Variants in EHBP1 observed in about 807,000 individuals in gnomAD.
EHBP1 encodes EH domain binding protein 1.
A neutral mutation model predicts 144.0 loss-of-function variants in EHBP1; 55 were observed. The ratio of observed to expected loss-of-function variants is 0.38; its 90% CI spans 0.31 to 0.48. The LOEUF is 0.48. Ranked by LOEUF, EHBP1 falls within the 20% of genes least tolerant of loss-of-function variation. EHBP1 has a pLI of 0.98. For missense variants in EHBP1, 1,200 were observed against 1,364.2 expected (o/e 0.88, Z 1.90); for synonymous variants, 469 against 472.7 (o/e 0.99, Z 0.10).
chr2:62,880,872 AT>A (rs1189669962), intron 10 of EHBP1, among the ~76,000 whole-genome samples: 1 of 152,156 alleles, frequency 6.6e-6, no homozygotes, highest in Non-Finnish European at 1.5e-5. Flanking sequence ...TTTAAAACAG[AT>A]CTACCATTGC....
At chr2:62,869,200 T>C (rs2050270916) in intron 9 of EHBP1, among the ~76,000 whole-genome samples, 1 of 152,112 alleles carries the variant, frequency 6.6e-6, no homozygotes, top group African/African-American at 2.4e-5. Flanking sequence ...ACTCTCAGAG[T>C]ACTTCTGAAT....
chr2:62,763,479 G>T (rs976218721), intron 3 of EHBP1, among the ~76,000 whole-genome samples: 2 of 152,134 alleles, frequency 1.3e-5, no homozygotes, highest in Non-Finnish European at 2.9e-5. Flanking sequence ...TTAAGACATG[G>T]ACCGGCACAT....
At chr2:62,852,383 C>T (rs962725139) in intron 7 of EHBP1, among the ~76,000 whole-genome samples, 1 of 151,912 alleles carries the variant, frequency 6.6e-6, no homozygotes, top group Admixed American at 6.6e-5. Context: ...CAAAGCCTTT[C>T]CTACTGCTTC....
Position 63,045,742 on chromosome 2 carries a change from A to G in EHBP1, c.*242A>G. 1 of 466,790 alleles carries G rather than the reference A, an allele frequency of 2.1e-6. No homozygotes were observed. Among genetic ancestry groups the G allele is most frequent in the Non-Finnish European group, 3.9e-6 (1 of 256,074 alleles). 28.9% of individuals were successfully genotyped at this position (466,790 alleles called of 1,614,324 possible). A position where few individuals can be genotyped will look rare whatever the true frequency, so the allele number is the denominator to read the frequency against. On this transcript the variant is annotated 3_prime_UTR_variant, in exon 23 of 23. Transcript: ENST00000431489. This position sits in a 1 kb window ranked among gnomAD's most constrained non-coding sequence, Gnocchi z 5.7. Reference sequence around the variant, plus strand: ...AACAATTTCCTTGAAATCCTGTGAAATAGATTTGCACAGACACCTTGTGAG... The same window carrying G: ...AACAATTTCCTTGAAATCCTGTGAAGTAGATTTGCACAGACACCTTGTGAG...
At chr2:62,856,812 A>G (rs1573740398) in intron 7 of EHBP1, among the ~76,000 whole-genome samples, 2 of 152,244 alleles carry the variant, frequency 1.3e-5, no homozygotes, top group African/African-American at 2.4e-5. Context: ...CAAACCTTCA[A>G]TTCATAAGGT....
chr2:62,823,571 G>T (rs1021166281), intron 5 of EHBP1, among the ~76,000 whole-genome samples: 1 of 151,990 alleles, frequency 6.6e-6, no homozygotes, highest in Admixed American at 6.6e-5. Flanking sequence ...TTATAGAACC[G>T]ATTATAGCAA....
Position 62,826,113 on chromosome 2 carries a change from T to C in EHBP1, c.339T>C (p.Ala113=), listed in dbSNP as rs543514692. The C allele has an allele frequency of 1.3e-5, 19 of 1,512,154 alleles. No homozygotes were observed. The East Asian group carries it at 4.5e-4, about 36-fold the overall frequency. The allele number at this position is 1,512,154 out of a possible 1,614,324, so 93.7% of individuals were successfully genotyped here. ...ENESPSGRRK[A]LATSSINMKQ... ...AATCCCCTTCTGGTCGAAGGAAAGC[T>C]CTTGCTACTAGCAGCATCAATATGA... Residue 113 remains alanine (A), a synonymous_variant, in exon 6 of 23, where the codon GCT becomes GCC. Coordinates refer to ENST00000431489, the MANE Select transcript of EHBP1 (RefSeq NM_001142616.3).
At chr2:62,773,521 A>G (rs1255641970) in intron 5 of EHBP1, among the ~76,000 whole-genome samples, 2 of 152,072 alleles carry the variant, frequency 1.3e-5, no homozygotes, top group Non-Finnish European at 1.5e-5. Context: ...GAGTGAATGA[A>G]TGGTATAGTT....
intron 2 of EHBP1, among the ~76,000 whole-genome samples, chr2:62,720,394 T>G (rs2036113957): frequency 6.6e-6 from 1 of 152,188 alleles, no homozygotes. Context: ...GTTTTACTAG[T>G]CTTCTTCCAA....
At position 62,904,539 on chromosome 2, in the gene EHBP1, C is replaced by A. The variant is rs141541561; in HGVS notation, c.1185+30007C>A. On this transcript the variant is annotated intron_variant, in intron 10 of 22. Coordinates refer to ENST00000431489, the MANE Select transcript of EHBP1 (RefSeq NM_001142616.3). ...CTTGAGCCCATGTGCTTCACCCCCCCGGCCCATGGGCTGCCCGATGGTGGC... is the reference window on the plus strand; with the variant it reads ...CTTGAGCCCATGTGCTTCACCCCCCAGGCCCATGGGCTGCCCGATGGTGGC... Among the ~76,000 whole-genome samples the A allele has an allele frequency of 3.6e-3, 552 of 152,314 alleles. 6 individuals are homozygous for A. Among genetic ancestry groups the A allele is most frequent in the African/African-American group, 0.012 (503 of 41,582 alleles).
At chr2:63,013,541 A>G (rs967725150) in intron 19 of EHBP1, among the ~76,000 whole-genome samples, 2 of 152,114 alleles carry the variant, frequency 1.3e-5, no homozygotes, top group African/African-American at 4.8e-5. Context: ...CAAAGGCACA[A>G]TGAAATAGAA....
intron 10 of EHBP1, among the ~76,000 whole-genome samples, chr2:62,910,228 A>G (rs2054109970): frequency 6.6e-6 from 1 of 152,186 alleles, no homozygotes; most frequent in South Asian, 2.1e-4. Context: ...GTTAGTGAAT[A>G]ATATGTTATC....
At chr2:62,872,465 T>G (rs1326974866) in intron 9 of EHBP1, among the ~76,000 whole-genome samples, 1 of 152,130 alleles carries the variant, frequency 6.6e-6, no homozygotes, top group Non-Finnish European at 1.5e-5. Flanking sequence ...TTACATTTAT[T>G]TATATTTAAA....
At chr2:62,923,007 G>A (rs992375348) in intron 10 of EHBP1, among the ~76,000 whole-genome samples, 2 of 152,138 alleles carry the variant, frequency 1.3e-5, no homozygotes, top group Admixed American at 6.5e-5. Flanking sequence ...AGAGCATAAG[G>A]TGTGCACTCC....
intron 10 of EHBP1, among the ~76,000 whole-genome samples, chr2:62,881,418 GAA>G (rs371288881): frequency 7.2e-5 from 5 of 69,772 alleles, no homozygotes; most frequent in Admixed American, 1.9e-4. Flanking sequence ...AGGAAAAACG[GAA>G]AAAAAAAAAA....
intron 10 of EHBP1, among the ~76,000 whole-genome samples, chr2:62,883,702 G>A (rs2051671158): frequency 1.3e-5 from 2 of 152,212 alleles, no homozygotes; most frequent in African/African-American, 4.8e-5. Flanking sequence ...AGTGGCTGAT[G>A]CCTGTCATAC....
At chr2:62,758,848 T>C (rs565772282) in intron 3 of EHBP1, among the ~76,000 whole-genome samples, 3 of 152,364 alleles carry the variant, frequency 2.0e-5, no homozygotes, top group South Asian at 4.1e-4. Flanking sequence ...ATGACAGTTA[T>C]GTTGACAACT....
At chr2:62,794,394 GATAGA>G (rs906791105) in intron 5 of EHBP1, among the ~76,000 whole-genome samples, 1 of 152,002 alleles carries the variant, frequency 6.6e-6, no homozygotes, top group Non-Finnish European at 1.5e-5. Context: ...ATTATGAAAA[GATAGA>G]ATAGACAGCA....
chr2:62,862,334 C>A (rs2049631842), intron 8 of EHBP1, among the ~76,000 whole-genome samples: 1 of 152,206 alleles, frequency 6.6e-6, no homozygotes, highest in Non-Finnish European at 1.5e-5. Flanking sequence ...ATTGGCCGGG[C>A]ATGGTGGCTC....
Sources: allele counts gnomAD v4.1 joint callset (sites outside exome capture counted in the v4.1 genomes callset), GRCh38; gene constraint gnomAD v4.1.1; non-coding constraint Gnocchi (gnomAD v3.1); transcripts MANE v1.5; gene names NCBI Gene and HGNC (gene_info 2026-07-23, HGNC 2026-07-21).